Variants in KYNU observed in about 807,000 individuals in gnomAD.
KYNU encodes the protein kynureninase, also known as L-kynurenine hydrolase.
In KYNU, 54 loss-of-function variants were observed where a neutral mutation model predicts 59.2. The observed-to-expected ratio is 0.91, with a 90% CI of 0.73 to 1.14. The LOEUF is 1.14. Ranked by LOEUF, KYNU falls within the 50% of genes most tolerant of loss-of-function variation. The probability of loss-of-function intolerance (pLI) is 0.00; values close to 1 mark genes in which losing one functional copy is unlikely to be tolerated. For synonymous variants in KYNU, 177 were observed against 192.0 expected, an observed-to-expected ratio of 0.92 and a Z score of 0.65; for missense variants, 567 against 554.4, an observed-to-expected ratio of 1.02 and a Z score of -0.23.
At chr2:142,911,951 T>C (rs955599438) in intron 2 of KYNU, among the ~76,000 whole-genome samples, 3 of 152,206 alleles carry the variant, frequency 2.0e-5, no homozygotes, top group Non-Finnish European at 4.4e-5. Context: ...GGTTTGCTAG[T>C]ATTTTGTTGA....
At chr2:142,945,630 C>A (rs1305173069) in intron 4 of KYNU, among the ~76,000 whole-genome samples, 4 of 152,166 alleles carry the variant, frequency 2.6e-5, no homozygotes, top group Non-Finnish European at 5.9e-5. Flanking sequence ...TTAGTGGCAT[C>A]TAGAATGGTA....
At chr2:142,926,410 A>G (rs1416823414) in intron 3 of KYNU, among the ~76,000 whole-genome samples, 2 of 152,230 alleles carry the variant, frequency 1.3e-5, no homozygotes, top group East Asian at 3.8e-4. Flanking sequence ...TTTAAAATAA[A>G]TTATTTCTCT....
intron 3 of KYNU, among the ~76,000 whole-genome samples, chr2:142,924,336 G>A (rs1682982227): frequency 6.6e-6 from 1 of 152,066 alleles, no homozygotes; most frequent in Non-Finnish European, 1.5e-5. Context: ...CAAACACCTG[G>A]TCTCAAGGGA....
intron 10 of KYNU, among the ~76,000 whole-genome samples, chr2:143,015,928 G>C (rs1263077531): frequency 6.6e-6 from 1 of 152,186 alleles, no homozygotes; most frequent in Non-Finnish European, 1.5e-5. Flanking sequence ...TCAGTTTGGA[G>C]TAATGCCGGA....
rs1416854587 is a variant in KYNU, at chr2:143,049,325, T to C, written c.*7153T>C. On this transcript the variant is annotated 3_prime_UTR_variant, in exon 14 of 14. Coordinates refer to ENST00000264170, the MANE Select transcript of KYNU (RefSeq NM_003937.3). Reference sequence around the variant, plus strand: ...TGCTTTAGGCATTAGTAGTGGACATTCTGGTTCCCCATTGAGCTTCCCTGC... The same window carrying C: ...TGCTTTAGGCATTAGTAGTGGACATCCTGGTTCCCCATTGAGCTTCCCTGC... 1.3e-5 allele frequency: 2 copies of C among 152,188 alleles called. No homozygotes were observed. Among genetic ancestry groups the C allele is most frequent in the African/African-American group, 2.4e-5 (1 of 41,450 alleles). 9.4% of individuals were successfully genotyped at this position (152,188 alleles called of 1,614,324 possible). A position where few individuals can be genotyped will look rare whatever the true frequency, so the allele number is the denominator to read the frequency against.
intron 1 of KYNU, among the ~76,000 whole-genome samples, chr2:142,878,758 A>G (rs1273717268): frequency 6.6e-6 from 1 of 152,222 alleles, no homozygotes; most frequent in Non-Finnish European, 1.5e-5. Flanking sequence ...GTGAAAGCAC[A>G]ATTTCCAAAC....
intron 13 of KYNU, 139 bp from the exon 14 acceptor site, chr2:143,041,908 T>C (rs1306330793): frequency 1.3e-6 from 1 of 792,038 alleles, no homozygotes; most frequent in Admixed American, 2.4e-5. Flanking sequence ...ACACCATGTT[T>C]TAAAGTAAAA....
chr2:142,879,613 C>T (rs1472421038), intron 1 of KYNU: 1 of 152,298 alleles, frequency 6.6e-6, no homozygotes, highest in Non-Finnish European at 1.5e-5. Context: ...TCTGTGCATT[C>T]CATTCATGGG....
intron 4 of KYNU, among the ~76,000 whole-genome samples, chr2:142,930,990 T>C (rs1263629416): frequency 1.3e-5 from 2 of 152,180 alleles, no homozygotes; most frequent in Non-Finnish European, 2.9e-5. Flanking sequence ...AAAGGTTTTA[T>C]AGTCTCCTGT....
intron 10 of KYNU, 129 bp from the exon 11 acceptor site, chr2:143,029,498 A>G: frequency 1.5e-6 from 1 of 688,750 alleles, no homozygotes; most frequent in Non-Finnish European, 2.7e-6. Flanking sequence ...AGGCACAAGA[A>G]TCGCTTGAAC....
chr2:142,976,883 G>A (rs992779530), intron 8 of KYNU, among the ~76,000 whole-genome samples: 6 of 152,138 alleles, frequency 3.9e-5, no homozygotes, highest in East Asian at 1.9e-4. Flanking sequence ...CTGAAAGCCT[G>A]GGGAGGAGAG....
At chr2:142,974,451 C>T (rs1212122206) in intron 8 of KYNU, among the ~76,000 whole-genome samples, 1 of 152,206 alleles carries the variant, frequency 6.6e-6, no homozygotes, top group African/African-American at 2.4e-5. Flanking sequence ...TAGTATGACT[C>T]AGCTTTCAGC....
chr2:142,976,147 G>A (rs1048066297), intron 8 of KYNU, among the ~76,000 whole-genome samples: 2 of 152,216 alleles, frequency 1.3e-5, no homozygotes, highest in African/African-American at 4.8e-5. Flanking sequence ...GAGGCAAGGG[G>A]TGGAGGGAAG....
At chr2:143,007,980 T>C (rs1199426743) in intron 10 of KYNU, among the ~76,000 whole-genome samples, 2 of 125,310 alleles carry the variant, frequency 1.6e-5, no homozygotes, top group African/African-American at 3.4e-5. Flanking sequence ...CCATCAAGAC[T>C]AGGAAGAAAC....
intron 12 of KYNU, among the ~76,000 whole-genome samples, chr2:143,038,595 C>G (rs1467752979): frequency 6.6e-6 from 1 of 152,170 alleles, no homozygotes; most frequent in Non-Finnish European, 1.5e-5. Context: ...TGAGCTGTCT[C>G]TGTAGACTTC....
chr2:143,033,385 T>A lies in KYNU; in HGVS notation c.1041+64T>A, dbSNP rs902998058. 3 of 1,111,092 alleles carry A rather than the reference T, an allele frequency of 2.7e-6. No homozygotes were observed. The African/African-American group carries it at 4.6e-5, about 17-fold the overall frequency. 68.8% of individuals were successfully genotyped at this position (1,111,092 alleles called of 1,614,324 possible). A position where few individuals can be genotyped will look rare whatever the true frequency, so the allele number is the denominator to read the frequency against. On this transcript the variant is annotated intron_variant, in intron 12 of 13. Coordinates refer to ENST00000264170, the MANE Select transcript of KYNU (RefSeq NM_003937.3). ...TTTTTTCTTGATCTGTTTGTGACAA[T>A]TCATAGTACTTTCTCTGCTACACAG...
At chr2:142,923,400 T>G (rs1682946487) in intron 3 of KYNU, among the ~76,000 whole-genome samples, 1 of 152,248 alleles carries the variant, frequency 6.6e-6, no homozygotes, top group African/African-American at 2.4e-5. Flanking sequence ...TTCTGAAATA[T>G]AAAACTTTTT....
In KYNU at chr2:143,033,304, T is replaced by C. The variant is rs1237988220; in HGVS notation, c.1024T>C (p.Leu342=). 1.9e-6 allele frequency: 3 copies of C among 1,613,436 alleles called. No individual in the cohort carries two copies. The highest frequency in any genetic ancestry group is 2.2e-5 in the East Asian group (1 of 44,880). Residue 342 remains leucine, a synonymous_variant, in exon 12 of 14, where the codon TTG becomes CTG. Coordinates refer to ENST00000264170, the MANE Select transcript of KYNU (RefSeq NM_003937.3). ...TCCTCCCATTTTGTTGGTCTGTTCCTTGCATGCTAGTTTAGAGGTAAGTGA... is the reference window on the plus strand; with the variant it reads ...TCCTCCCATTTTGTTGGTCTGTTCCCTGCATGCTAGTTTAGAGGTAAGTGA... ...SNPPILLVCS[L]HASLEIFKQA...
intron 11 of KYNU, among the ~76,000 whole-genome samples, chr2:143,031,356 C>A (rs989661355): frequency 6.6e-6 from 1 of 151,968 alleles, no homozygotes; most frequent in Non-Finnish European, 1.5e-5. Context: ...TACTCAATTC[C>A]GTCATTGTGG....
Sources: allele counts gnomAD v4.1 joint callset (sites outside exome capture counted in the v4.1 genomes callset), GRCh38; gene constraint gnomAD v4.1.1; transcripts MANE v1.5; gene names NCBI Gene and HGNC (gene_info 2026-07-23, HGNC 2026-07-21).